The following SGCE variants were observed in gnomAD, a reference collection of about 807,000 sequenced individuals.
SGCE encodes the protein epsilon-sarcoglycan.
A neutral mutation model predicts 57.8 loss-of-function variants in SGCE; 26 were observed. That is an observed-to-expected ratio of 0.45 (90% CI 0.33 to 0.62). The LOEUF (loss-of-function observed/expected upper bound fraction) is 0.62. Among genes scored for constraint, SGCE ranks in the 20% least tolerant of loss-of-function variants. SGCE has a pLI of 0.02. For synonymous variants in SGCE, 183 were observed against 189.5 expected, an observed-to-expected ratio of 0.97 and a Z score of 0.28; for missense variants, 468 against 548.6, an observed-to-expected ratio of 0.85 and a Z score of 1.47.
chr7:94,630,190 G>A (rs1804468512), intron 1 of SGCE, among the ~76,000 whole-genome samples: 1 of 151,754 alleles, frequency 6.6e-6, no homozygotes, highest in Admixed American at 6.6e-5. Flanking sequence ...AATACATCAT[G>A]AGAACTGACC....
chr7:94,646,545 A>G (rs1225936427), intron 1 of SGCE, among the ~76,000 whole-genome samples: 3 of 152,202 alleles, frequency 2.0e-5, no homozygotes, highest in African/African-American at 7.2e-5. Flanking sequence ...CACCATTACA[A>G]TTTAATGTCC....
At chr7:94,593,831 T>C (rs183014913) in intron 9 of SGCE, among the ~76,000 whole-genome samples, 1 of 152,248 alleles carries the variant, frequency 6.6e-6, no homozygotes, top group African/African-American at 2.4e-5. Flanking sequence ...GGAATGTGAA[T>C]AACAACCCTT....
chr7:94,625,687 G>A (rs1803606656), intron 3 of SGCE: 1 of 151,930 alleles, frequency 6.6e-6, no homozygotes, highest in African/African-American at 2.4e-5. Flanking sequence ...TGAACATTGT[G>A]TTTAAAACAC....
chr7:94,625,994 C>T (rs1370614280), intron 3 of SGCE: 1 of 152,018 alleles, frequency 6.6e-6, no homozygotes, highest in Non-Finnish European at 1.5e-5. Context: ...GTAGTGATGC[C>T]AACTCCCACA....
chr7:94,652,545 C>T (rs1223590485), intron 1 of SGCE, among the ~76,000 whole-genome samples: 1 of 152,168 alleles, frequency 6.6e-6, no homozygotes. Context: ...AAACTGGATA[C>T]ATGTTATCTT....
At chr7:94,587,616 A>G in intron 10 of SGCE, 3 of 1,395,718 alleles carry the variant, frequency 2.1e-6, no homozygotes, top group Non-Finnish European at 2.8e-6. Context: ...TTCCTTCATC[A>G]ATCTCCTGAA....
chr7:94,595,089 A>C (rs981849606), intron 9 of SGCE, among the ~76,000 whole-genome samples: 5 of 152,102 alleles, frequency 3.3e-5, no homozygotes, highest in Admixed American at 1.3e-4. Flanking sequence ...ACCTAATTTA[A>C]CTTTGTCTCT....
At chr7:94,614,644 C>A (rs1409181333) in intron 5 of SGCE, among the ~76,000 whole-genome samples, 3 of 152,126 alleles carry the variant, frequency 2.0e-5, no homozygotes, top group Admixed American at 2.0e-4. Flanking sequence ...ACTCAGTCAG[C>A]CTTCAGCTCC....
chr7:94,643,653 A>C (rs1164733721), intron 1 of SGCE, among the ~76,000 whole-genome samples: 2 of 152,172 alleles, frequency 1.3e-5, no homozygotes, highest in Non-Finnish European at 2.9e-5. Flanking sequence ...CCACATATTG[A>C]GGGAGAAACT....
intron 4 of SGCE, chr7:94,619,856 C>A (rs1029449316): frequency 1.3e-5 from 2 of 152,114 alleles, no homozygotes; most frequent in Non-Finnish European, 2.9e-5. Context: ...ATAATGTGAA[C>A]TTACCTTGTA....
chr7:94,612,997 C>T (rs1433517427), intron 5 of SGCE, among the ~76,000 whole-genome samples: 1 of 152,226 alleles, frequency 6.6e-6, no homozygotes, highest in African/African-American at 2.4e-5. Context: ...GTCACCATCA[C>T]CTTCCACAGG....
At chr7:94,627,215 T>TTTGGAGAAAAA (rs1337830115) in intron 3 of SGCE, 4 of 152,020 alleles carry the variant, frequency 2.6e-5, no homozygotes, top group African/African-American at 9.7e-5. Flanking sequence ...TGACTAAAAC[T>TTTGGAGAAAAA]TTGGAGAAAA....
intron 1 of SGCE, among the ~76,000 whole-genome samples, chr7:94,649,241 C>T (rs970406752): frequency 1.3e-5 from 2 of 152,170 alleles, no homozygotes; most frequent in Non-Finnish European, 2.9e-5. Context: ...AAAATTCTTA[C>T]ATGAAGATAC....
chr7:94,619,912 G>A (rs968721934), intron 4 of SGCE: 2 of 152,134 alleles, frequency 1.3e-5, no homozygotes, highest in Non-Finnish European at 2.9e-5. Context: ...AAGGTGCTCA[G>A]CAGAGCTCCC....
rs1229153913 is a variant in SGCE at position 94,585,320 on chromosome 7, T to C, written c.*179A>G. ...TACAAATTGTCAAAAATGCTTTAAG[T>C]ACAAAAAAATACATTAGTAAAATGA... On this transcript the variant is annotated 3_prime_UTR_variant, in exon 11 of 11. Transcript: ENST00000648936. 1.9e-6 allele frequency: 1 copy of C among 531,116 alleles called. No individual in the cohort carries two copies. Among genetic ancestry groups the C allele is most frequent in the Non-Finnish European group, 3.4e-6 (1 of 296,946 alleles). The allele number at this position is 531,116 out of a possible 1,614,324, so 32.9% of individuals were successfully genotyped here. A position where few individuals can be genotyped will look rare whatever the true frequency, so the allele number is the denominator to read the frequency against.
At chr7:94,602,206 ATCGTT>A (rs1343343030) in intron 6 of SGCE, among the ~76,000 whole-genome samples, 1 of 152,126 alleles carries the variant, frequency 6.6e-6, no homozygotes, top group Admixed American at 6.6e-5. Context: ...GCACCCTTGT[ATCGTT>A]AGCACCATGA....
intron 1 of SGCE, among the ~76,000 whole-genome samples, chr7:94,652,919 G>A (rs1031754216): frequency 6.6e-6 from 1 of 152,034 alleles, no homozygotes; most frequent in Admixed American, 6.6e-5. Context: ...AGAAAGTCCA[G>A]TTATTATTTG....
intron 3 of SGCE, chr7:94,627,663 C>T (rs1026543934): frequency 6.5e-6 from 1 of 152,874 alleles, no homozygotes; most frequent in Non-Finnish European, 1.5e-5. Flanking sequence ...TCTTACAACT[C>T]TGCATCAAAC....
intron 4 of SGCE, chr7:94,619,195 G>A (rs1802394013): frequency 2.4e-6 from 1 of 425,226 alleles, no homozygotes; most frequent in Non-Finnish European, 4.2e-6. Context: ...AGGCTCATCA[G>A]GGCAATTTAT....
Sources: gnomAD v4.1 joint callset for allele counts (sites outside exome capture counted in the v4.1 genomes callset) on GRCh38, gnomAD v4.1.1 for gene constraint, MANE v1.5 for transcripts, NCBI Gene and HGNC (gene_info 2026-07-23, HGNC 2026-07-21) for gene names.